Variants in AGBL4 observed in about 807,000 individuals in gnomAD.
AGBL4 encodes the protein cytosolic carboxypeptidase 6.
AGBL4 carries 58 observed loss-of-function variants against 66.4 expected under a neutral mutation model. That is an observed-to-expected ratio of 0.87 (90% confidence interval 0.71 to 1.09). AGBL4 has a LOEUF of 1.09. Among genes scored for constraint, AGBL4 ranks in the 50% least tolerant of loss-of-function variants. The pLI, the probability that AGBL4 is intolerant of heterozygous loss-of-function variation, is 0.00. For synonymous variants in AGBL4, 234 were observed against 222.9 expected (o/e 1.05, Z -0.44); for missense variants, 579 against 631.0 (o/e 0.92, Z 0.88).
At chr1:49,765,057 A>G (rs980568279) in intron 2 of AGBL4, among the ~76,000 whole-genome samples, 1 of 152,100 alleles carries the variant, frequency 6.6e-6, no homozygotes, top group Non-Finnish European at 1.5e-5. Context: ...CCTTCTCAGG[A>G]CTAGTGCCTG....
intron 3 of AGBL4, among the ~76,000 whole-genome samples, chr1:49,282,257 C>G (rs975840488): frequency 5.3e-5 from 8 of 152,172 alleles, no homozygotes; most frequent in African/African-American, 1.9e-4. Flanking sequence ...GAAGAATGAA[C>G]TGCAGGTCTG....
At chr1:48,805,441 T>A (rs1031791690) in intron 6 of AGBL4, among the ~76,000 whole-genome samples, 1 of 152,138 alleles carries the variant, frequency 6.6e-6, no homozygotes, top group Non-Finnish European at 1.5e-5. Flanking sequence ...GTTTGGGGAA[T>A]CTAAAATGTA....
chr1:49,847,139 C>G (rs1183113674), intron 2 of AGBL4, among the ~76,000 whole-genome samples: 1 of 152,042 alleles, frequency 6.6e-6, no homozygotes, highest in Non-Finnish European at 1.5e-5. Context: ...TATCTCCAGC[C>G]AACTACACAT....
chr1:50,006,002 A>T (rs748879412), intron 1 of AGBL4, among the ~76,000 whole-genome samples: 2 of 152,222 alleles, frequency 1.3e-5, no homozygotes, highest in Admixed American at 6.5e-5. Flanking sequence ...TACAAGATCT[A>T]GAATATAGCC....
At chr1:49,613,562 C>T (rs1233557815) in intron 3 of AGBL4, among the ~76,000 whole-genome samples, 2 of 152,162 alleles carry the variant, frequency 1.3e-5, no homozygotes, top group Non-Finnish European at 2.9e-5. Context: ...ATTAGATTCT[C>T]ATAGGAGTAC....
At chr1:49,263,047 T>C (rs1413585147) in intron 3 of AGBL4, among the ~76,000 whole-genome samples, 2 of 151,228 alleles carry the variant, frequency 1.3e-5, no homozygotes, top group African/African-American at 4.9e-5. Flanking sequence ...CAGTAAACTA[T>C]CGCAAGGACA....
intron 5 of AGBL4, among the ~76,000 whole-genome samples, chr1:48,931,452 C>A (rs951612277): frequency 6.6e-6 from 1 of 152,170 alleles, no homozygotes; most frequent in Admixed American, 6.5e-5. Context: ...TCTGTCCACC[C>A]TATCTCAAGT....
At chr1:48,999,663 C>G (rs559099141) in intron 5 of AGBL4, among the ~76,000 whole-genome samples, 1 of 152,250 alleles carries the variant, frequency 6.6e-6, no homozygotes, top group South Asian at 2.1e-4. Context: ...CTCACTTTCT[C>G]TCACTGGGTC....
At chr1:49,009,147 A>G (rs1571220290) in intron 5 of AGBL4, among the ~76,000 whole-genome samples, 2 of 151,584 alleles carry the variant, frequency 1.3e-5, no homozygotes, top group African/African-American at 2.4e-5. Context: ...TAATAAAGAA[A>G]AAAAGAGAGA....
intron 3 of AGBL4, among the ~76,000 whole-genome samples, chr1:49,566,782 T>TTTCA (rs1644216732): frequency 6.6e-6 from 1 of 151,634 alleles, no homozygotes; most frequent in African/African-American, 2.4e-5. Context: ...CATTCTCAGA[T>TTTCA]CTCAAGCTGC....
chr1:50,007,509 T>C (rs1403011872), intron 1 of AGBL4, among the ~76,000 whole-genome samples: 1 of 152,144 alleles, frequency 6.6e-6, no homozygotes, highest in Non-Finnish European at 1.5e-5. Flanking sequence ...ACATCCATAA[T>C]CCTAGCACTT....
At chr1:49,366,354 A>G (rs1644241296) in intron 3 of AGBL4, among the ~76,000 whole-genome samples, 1 of 152,194 alleles carries the variant, frequency 6.6e-6, no homozygotes, top group Non-Finnish European at 1.5e-5. Flanking sequence ...TGTACCTGGC[A>G]CAATGCCTTC....
At chr1:48,568,329 G>A (rs773320779) in intron 11 of AGBL4, among the ~76,000 whole-genome samples, 2 of 151,928 alleles carry the variant, frequency 1.3e-5, no homozygotes, top group Non-Finnish European at 2.9e-5. Context: ...CCAGTCTGCA[G>A]GTGGCTGGTT....
intron 5 of AGBL4, among the ~76,000 whole-genome samples, chr1:48,925,799 T>C (rs1571015688): frequency 6.6e-6 from 1 of 152,218 alleles, no homozygotes. Flanking sequence ...TGCATATGTA[T>C]GTAAAGTTTC....
intron 3 of AGBL4, among the ~76,000 whole-genome samples, chr1:49,285,275 A>G (rs1199206255): frequency 6.6e-4 from 101 of 152,020 alleles, no homozygotes; most frequent in Admixed American, 1.0e-3. Flanking sequence ...TGACTACTGG[A>G]TACATAACGA....
intron 2 of AGBL4, among the ~76,000 whole-genome samples, chr1:49,720,851 CAA>C (rs1648547989): frequency 1.3e-5 from 2 of 152,196 alleles, no homozygotes; most frequent in Middle Eastern, 3.4e-3. Context: ...GCAAGACTTG[CAA>C]AGAGTTAACA....
At chr1:49,454,396 A>G (rs1190960109) in intron 3 of AGBL4, among the ~76,000 whole-genome samples, 1 of 151,746 alleles carries the variant, frequency 6.6e-6, no homozygotes, top group Admixed American at 6.6e-5. Context: ...CTTCCTTGTG[A>G]AGTCAGGATT....
At chr1:49,668,313 T>C (rs1413969874) in intron 3 of AGBL4, among the ~76,000 whole-genome samples, 1 of 152,190 alleles carries the variant, frequency 6.6e-6, no homozygotes, top group Admixed American at 6.6e-5. Context: ...TATGAGATAA[T>C]GTTAATTCAC....
chr1:49,277,877 A>G (rs758567834), intron 3 of AGBL4, among the ~76,000 whole-genome samples: 1 of 152,168 alleles, frequency 6.6e-6, no homozygotes, highest in Non-Finnish European at 1.5e-5. Context: ...AATGGTGTTC[A>G]ATAAAGCAAG....
Sources: gnomAD v4.1 joint callset for allele counts (sites outside exome capture counted in the v4.1 genomes callset) on GRCh38, gnomAD v4.1.1 for gene constraint, MANE v1.5 for transcripts, NCBI Gene and HGNC (gene_info 2026-07-23, HGNC 2026-07-21) for gene names.